ERICH6: variants seen among roughly 807,000 people sequenced by gnomAD.
ERICH6 encodes the protein glutamate-rich protein 6.
Under a neutral mutation model 71.0 loss-of-function variants are expected in ERICH6, and 71 were observed. The ratio of observed to expected loss-of-function variants is 1.00; its 90% CI spans 0.83 to 1.22. ERICH6 has a LOEUF of 1.22. Ranked by LOEUF, ERICH6 falls within the 50% of genes most tolerant of loss-of-function variation. The probability of loss-of-function intolerance (pLI) is 0.00; values close to 1 mark genes in which losing one functional copy is unlikely to be tolerated. For synonymous variants in ERICH6, 262 were observed against 278.4 expected, an observed-to-expected ratio of 0.94 and a Z score of 0.59; for missense variants, 808 against 797.2, an observed-to-expected ratio of 1.01 and a Z score of -0.16.
rs1727192461 is a variant in ERICH6 at position 150,660,765 on chromosome 3, C to T, written c.1729-610G>A. On this transcript the variant is annotated intron_variant, in intron 13 of 13. Transcript: ENST00000295910. The stretch of plus-strand genomic sequence containing the variant: ...AGGACAGTCTTGCCTGAAGTGTTTT[C>T]AGTCTGTAGCTTCAAAGCCAGCCTA... 2.6e-5 allele frequency among the ~76,000 whole-genome samples: 4 copies of T among 152,308 alleles called. No individual in the cohort carries two copies. In the South Asian group the frequency reaches 8.3e-4, roughly 32 times the overall value.
rs1346862917 is a variant in ERICH6, at chr3:150,680,765, A to G, written c.1040+8T>C. 1.9e-6 allele frequency: 3 copies of G among 1,595,852 alleles called. No homozygotes were observed. In the Admixed American group the frequency reaches 5.6e-5, roughly 30 times the overall value. On this transcript the variant is annotated splice_region_variant and intron_variant, in intron 8 of 13. Coordinates refer to ENST00000295910, the MANE Select transcript of ERICH6 (RefSeq NM_152394.5). ...GTATGAGTTTCAGTATCGAAGTCTCAATGTTACCTTTGCAGGGCTTTTTCT... is the reference window on the plus strand; with the variant it reads ...GTATGAGTTTCAGTATCGAAGTCTCGATGTTACCTTTGCAGGGCTTTTTCT...
chr3:150,694,369 A>G (rs1712572236), intron 3 of ERICH6, among the ~76,000 whole-genome samples: 1 of 152,220 alleles, frequency 6.6e-6, no homozygotes, highest in Non-Finnish European at 1.5e-5. Flanking sequence ...TGCCACAAGG[A>G]AAAAATAAAG....
At chr3:150,701,901 A>C (rs1161307591) in intron 2 of ERICH6, among the ~76,000 whole-genome samples, 2 of 152,180 alleles carry the variant, frequency 1.3e-5, no homozygotes, top group Non-Finnish European at 2.9e-5. Context: ...TGTTACATTG[A>C]TAAGTGGACA....
At chr3:150,700,448 G>A (rs1040348042) in intron 2 of ERICH6, among the ~76,000 whole-genome samples, 2 of 151,620 alleles carry the variant, frequency 1.3e-5, no homozygotes, top group African/African-American at 4.9e-5. Context: ...ATTCACCTGA[G>A]GAGTTTCTCC....
Position 150,703,665 on chromosome 3 carries a change from G to C in ERICH6, c.234C>G (p.Leu78=), listed in dbSNP as rs1713034165. The change falls in exon 1 of 14, where the codon CTC becomes CTG. Residue 78 remains leucine (L), a synonymous_variant. Transcript: ENST00000295910. ...AGTCACCGATGTCCGTGACCTTCCA[G>C]AGGTACTCTTCGCTGAACGTCTCAG... The part of the protein sequence containing the change: ...EAPETFSEEY[L]WKVTDIGDYD... 1 of 1,613,688 alleles carries C rather than the reference G, an allele frequency of 6.2e-7. No homozygotes were observed. The highest frequency in any genetic ancestry group is 8.5e-7 in the Non-Finnish European group (1 of 1,179,814).
rs57492414 is a variant in ERICH6 at position 150,672,264 on chromosome 3, C to CAT, written c.1343+1690_1343+1691dup. Among the ~76,000 whole-genome samples, 53 of 123,624 alleles carry CAT rather than the reference C, an allele frequency of 4.3e-4. 4 individuals carry two copies. Among genetic ancestry groups the CAT allele is most frequent in the East Asian group, 6.4e-4 (2 of 3,146 alleles). 81.1% of individuals were successfully genotyped at this position (123,624 alleles called of 152,430 possible). On this transcript the variant is annotated intron_variant, in intron 11 of 13. Coordinates refer to ENST00000295910, the MANE Select transcript of ERICH6 (RefSeq NM_152394.5). ...TAAACAAAGAATCCATTTATATATA[C>CAT]ATATATATATATATGCTCATACACA...
chr3:150,696,116 T>G (rs1334489738), intron 3 of ERICH6, among the ~76,000 whole-genome samples: 1 of 152,012 alleles, frequency 6.6e-6, no homozygotes, highest in African/African-American at 2.4e-5. Flanking sequence ...GAACAGAATA[T>G]TCACATGTGT....
chr3:150,686,346 C>A lies in ERICH6; in HGVS notation c.562G>T (p.Ala188Ser), dbSNP rs545437917. ...LSDKVQSRKK[A>S]SKEKAEPECL... is the part of the protein sequence containing the mutation. ...TCAGGTTCAGCTTTCTCTTTAGAGGCTTTCTTCCCTGTGAAAACAGGGTAC... is the reference window on the plus strand; with the variant it reads ...TCAGGTTCAGCTTTCTCTTTAGAGGATTTCTTCCCTGTGAAAACAGGGTAC... Residue 188 changes from alanine to serine, a missense_variant, in exon 4 of 14, where the codon GCC becomes TCC. Ala to Ser is a moderately conservative substitution (Grantham distance 99, BLOSUM62 1). Coordinates refer to ENST00000295910, the MANE Select transcript of ERICH6 (RefSeq NM_152394.5). 1.9e-6 allele frequency: 3 copies of A among 1,614,146 alleles called. No homozygotes were observed. Among genetic ancestry groups the A allele is most frequent in the Non-Finnish European group, 2.5e-6 (3 of 1,180,006 alleles).
At chr3:150,692,676 T>C (rs779167723) in intron 3 of ERICH6, among the ~76,000 whole-genome samples, 11 of 152,146 alleles carry the variant, frequency 7.2e-5, no homozygotes, top group Non-Finnish European at 1.2e-4. Flanking sequence ...TTAATGTACA[T>C]TATCAGTAAT....
Position 150,686,283 on chromosome 3 carries a change from C to T in ERICH6, c.610+15G>A. 1.2e-6 allele frequency: 2 copies of T among 1,613,766 alleles called. No homozygotes were observed. The highest frequency in any genetic ancestry group is 8.5e-7 in the Non-Finnish European group (1 of 1,179,706). On this transcript the variant is annotated intron_variant, in intron 4 of 13. Coordinates refer to ENST00000295910, the MANE Select transcript of ERICH6 (RefSeq NM_152394.5). ...CTTTGCCAGCAAAAGGAGATGATGCCAAACATGTATTTACCTCTTAACTTA... is the reference window on the plus strand; with the variant it reads ...CTTTGCCAGCAAAAGGAGATGATGCTAAACATGTATTTACCTCTTAACTTA...
rs144874491 is a variant in ERICH6, at chr3:150,689,418, G to C, written c.554-3064C>G. Among the ~76,000 whole-genome samples the C allele has an allele frequency of 3.5e-3, 536 of 152,222 alleles. 2 individuals are homozygous for C. The highest frequency in any genetic ancestry group is 0.012 in the African/African-American group (512 of 41,536). On this transcript the variant is annotated intron_variant, in intron 3 of 13. Transcript: ENST00000295910. Reference sequence around the variant, plus strand: ...CTTCTTTTTTCCACCACAACAGCCTGGGTTTTGTTCCTAAATCAAGCCCTT... The same window carrying C: ...CTTCTTTTTTCCACCACAACAGCCTCGGTTTTGTTCCTAAATCAAGCCCTT...
rs182806682 is a variant in ERICH6, at chr3:150,687,055, C to T, written c.554-701G>A. Among the ~76,000 whole-genome samples, 299 of 152,304 alleles carry T rather than the reference C, an allele frequency of 2.0e-3. 2 individuals are homozygous for T. The highest frequency in any genetic ancestry group is 6.7e-3 in the African/African-American group (278 of 41,582). On this transcript the variant is annotated intron_variant, in intron 3 of 13. Transcript: ENST00000295910. ...GTGTGCTGACAGGCACCTGTAGAAC[C>T]TGGGAGGCAGAGGCTGCAGTGGGCC... is the stretch of plus-strand genomic sequence containing the variant.
At chr3:150,680,345 G>A (rs1711854051) in intron 9 of ERICH6, 123 bp downstream of exon 9, 1 of 985,880 alleles carries the variant, frequency 1.0e-6, no homozygotes. Flanking sequence ...TGGGATTACA[G>A]GCGTGAGCCA....
chr3:150,698,010 A>T (rs1256293207), intron 3 of ERICH6, among the ~76,000 whole-genome samples: 2 of 152,148 alleles, frequency 1.3e-5, no homozygotes, highest in Non-Finnish European at 2.9e-5. Flanking sequence ...CACCTCCTGT[A>T]GGTCTTTTCT....
intron 6 of ERICH6, among the ~76,000 whole-genome samples, chr3:150,683,921 A>G (rs1249576646): frequency 6.6e-6 from 1 of 152,232 alleles, no homozygotes; most frequent in African/African-American, 2.4e-5. Flanking sequence ...GAGGAGCAGG[A>G]GGAGCCAGCC....
At chr3:150,700,076 G>A (rs1408153710) in intron 2 of ERICH6, among the ~76,000 whole-genome samples, 1 of 146,478 alleles carries the variant, frequency 6.8e-6, no homozygotes, top group Non-Finnish European at 1.5e-5. Flanking sequence ...AGATCTCTGA[G>A]GGAAATTTTT....
chr3:150,688,483 T>C (rs755311966), intron 3 of ERICH6, among the ~76,000 whole-genome samples: 1 of 152,196 alleles, frequency 6.6e-6, no homozygotes, highest in Non-Finnish European at 1.5e-5. Context: ...GCTGTCTTAG[T>C]TCATTTGGGC....
chr3:150,684,425 G>A (rs180747018), intron 6 of ERICH6, among the ~76,000 whole-genome samples: 58 of 152,216 alleles, frequency 3.8e-4, no homozygotes, highest in Non-Finnish European at 6.3e-4. Flanking sequence ...GCATCCATAC[G>A]GCATTTCCAT....
At chr3:150,696,827 TG>T (rs901182449) in intron 3 of ERICH6, among the ~76,000 whole-genome samples, 128 of 152,286 alleles carry the variant, frequency 8.4e-4, no homozygotes, top group African/African-American at 2.9e-3. Context: ...ACAACCCTTT[TG>T]ATGGACGCAT....
Sources: allele counts gnomAD v4.1 joint callset (sites outside exome capture counted in the v4.1 genomes callset), GRCh38; gene constraint gnomAD v4.1.1; transcripts MANE v1.5; gene names NCBI Gene and HGNC (gene_info 2026-07-23, HGNC 2026-07-21).